Variants in ARHGAP19 observed in about 807,000 individuals in gnomAD.
ARHGAP19 encodes Rho GTPase activating protein 19, also known as rho GTPase-activating protein 19.
A neutral mutation model predicts 60.9 loss-of-function variants in ARHGAP19; 48 were observed. The ratio of observed to expected loss-of-function variants is 0.79; its 90% confidence interval spans 0.62 to 1.00. The LOEUF (loss-of-function observed/expected upper bound fraction) is 1.00, where lower values mean the gene tolerates loss of function less well. Ranked by LOEUF, ARHGAP19 falls within the 50% of genes least tolerant of loss-of-function variation. ARHGAP19 has a pLI of 0.00. For synonymous variants in ARHGAP19, 209 were observed against 215.5 expected, an observed-to-expected ratio of 0.97 and a Z score of 0.27; for missense variants, 562 against 597.2, an observed-to-expected ratio of 0.94 and a Z score of 0.61.
chr10:97,280,149 G>C (rs1376628733), intron 1 of ARHGAP19, among the ~76,000 whole-genome samples: 1 of 152,134 alleles, frequency 6.6e-6, no homozygotes, highest in East Asian at 1.9e-4. Flanking sequence ...GTTCACATCT[G>C]TAATCCCAGC....
intron 11 of ARHGAP19, among the ~76,000 whole-genome samples, chr10:97,228,698 A>G (rs1208999585): frequency 6.6e-6 from 1 of 152,206 alleles, no homozygotes; most frequent in Non-Finnish European, 1.5e-5. Context: ...AATATGCTGT[A>G]TGATATGACT....
chr10:97,249,942 G>A (rs1038225915), intron 6 of ARHGAP19, among the ~76,000 whole-genome samples: 2 of 151,740 alleles, frequency 1.3e-5, no homozygotes, highest in African/African-American at 2.4e-5. Context: ...CTGCCACCGC[G>A]CCTGGCTAAT....
At chr10:97,236,071 G>A (rs528626941) in intron 8 of ARHGAP19, among the ~76,000 whole-genome samples, 26 of 152,232 alleles carry the variant, frequency 1.7e-4, no homozygotes, top group South Asian at 1.0e-3. Context: ...CGCCTCCCAG[G>A]TTCAAGCAAT....
rs1197519960 is a variant in ARHGAP19 at position 97,259,488 on chromosome 10, G to A, written c.754C>T (p.Gln252Ter). ...TTCTTGTCTTGTTTCTTTGCTGTCT[G>A]GTATAGGAGATCAAGCAATAACTTC... The part of the protein sequence containing the change: ...LLKLLLDLLY[Q>*]TAKKQDKNKM... Residue 252 changes from glutamine to a stop codon, truncating the protein, a stop_gained, in exon 5 of 12, where the codon CAG becomes TAG. Transcript: ENST00000358531. LOFTEE classifies it high-confidence loss of function. 6.2e-7 allele frequency: 1 copy of A among 1,614,028 alleles called. No homozygotes were observed. Among genetic ancestry groups the A allele is most frequent in the African/African-American group, 1.3e-5 (1 of 74,920 alleles).
chr10:97,227,091 T>C (rs1158086088), intron 11 of ARHGAP19, among the ~76,000 whole-genome samples: 2 of 152,218 alleles, frequency 1.3e-5, no homozygotes, highest in African/African-American at 2.4e-5. Context: ...CAAAGCATTA[T>C]CTGAACCAAC....
chr10:97,264,771 C>T, intron 3 of ARHGAP19, 55 bp downstream of exon 3: 1 of 1,398,886 alleles, frequency 7.1e-7, no homozygotes, highest in Non-Finnish European at 1.0e-6. Context: ...TAGCTCTCAA[C>T]AGAAAACAGA....
At chr10:97,228,914 CAG>C (rs1315508220) in intron 11 of ARHGAP19, among the ~76,000 whole-genome samples, 4 of 152,204 alleles carry the variant, frequency 2.6e-5, no homozygotes, top group African/African-American at 9.7e-5. Flanking sequence ...TCCAAGAACA[CAG>C]GGACCATGTG....
At chr10:97,274,086 T>C (rs1842994425) in intron 1 of ARHGAP19, among the ~76,000 whole-genome samples, 1 of 152,080 alleles carries the variant, frequency 6.6e-6, no homozygotes. Context: ...TGGTAAACTG[T>C]AAAGAGAAGC....
In ARHGAP19 at chr10:97,259,657, G is replaced by A. The variant is rs551877498; in HGVS notation, c.614-29C>T. On this transcript the variant is annotated intron_variant, in intron 4 of 11. Transcript: ENST00000358531. ...GAGGACAAAAGAGAATTTGCAAAGT[G>A]GGGAGAAAATATCAGCAAGAAAAAT... is the stretch of plus-strand genomic sequence containing the variant. 9.6e-6 allele frequency: 15 copies of A among 1,564,414 alleles called. No homozygotes were observed. The Admixed American group carries it at 1.7e-4, about 17-fold the overall frequency.
rs761988354 is a variant in ARHGAP19, at chr10:97,223,447, G to C, written c.*2675C>G. 1 of 152,070 alleles carries C rather than the reference G, an allele frequency of 6.6e-6. No homozygotes were observed. Among genetic ancestry groups the C allele is most frequent in the Non-Finnish European group, 1.5e-5 (1 of 68,024 alleles). 9.4% of individuals were successfully genotyped at this position (152,070 alleles called of 1,614,324 possible). A position where few individuals can be genotyped will look rare whatever the true frequency, so the allele number is the denominator to read the frequency against. On this transcript the variant is annotated 3_prime_UTR_variant, in exon 12 of 12. Transcript: ENST00000358531. ...ATGGTTCTCACTAATTTAGTCAGTG[G>C]GGTTCACACAGTACAGTCTGGACCA... is the stretch of plus-strand genomic sequence containing the variant.
At chr10:97,236,860 C>T (rs1842388622) in intron 8 of ARHGAP19, among the ~76,000 whole-genome samples, 1 of 146,848 alleles carries the variant, frequency 6.8e-6, no homozygotes, top group Admixed American at 6.8e-5. Flanking sequence ...GCCTGAAAAA[C>T]TGAATTAGAA....
At chr10:97,268,483 C>G (rs1842925526) in intron 1 of ARHGAP19, among the ~76,000 whole-genome samples, 1 of 152,138 alleles carries the variant, frequency 6.6e-6, no homozygotes, top group Non-Finnish European at 1.5e-5. Flanking sequence ...TGTTCTCACG[C>G]TGTTAATAAA....
rs35980234 is a variant in ARHGAP19, at chr10:97,272,131, C to CTTTTTTT, written c.57-6013_57-6007dup. Reference sequence around the variant, plus strand: ...TTATACACTTAGGTGGGAAATATGTCTTTTTTTTTTTTTTTTTTTTTTCAG... The same window carrying CTTTTTTT: ...TTATACACTTAGGTGGGAAATATGTCTTTTTTTTTTTTTTTTTTTTTTTTTTTTTCAG... On this transcript the variant is annotated intron_variant, in intron 1 of 11. Coordinates refer to ENST00000358531, the MANE Select transcript of ARHGAP19 (RefSeq NM_032900.6). Among the ~76,000 whole-genome samples, 140 of 85,644 alleles carry CTTTTTTT rather than the reference C, an allele frequency of 1.6e-3. 17 individuals are homozygous for CTTTTTTT. The highest frequency in any genetic ancestry group is 3.5e-3 in the African/African-American group (71 of 20,116). The allele number at this position is 85,644 out of a possible 152,430, so 56.2% of individuals were successfully genotyped here.
At position 97,235,604 on chromosome 10, in the gene ARHGAP19, G is replaced by A. The variant is rs77686077; in HGVS notation, c.1186-289C>T. Among the ~76,000 whole-genome samples, 56 of 152,200 alleles carry A rather than the reference G, an allele frequency of 3.7e-4. No homozygotes were observed. In the East Asian group the frequency reaches 0.01, roughly 28 times the overall value. On this transcript the variant is annotated intron_variant, in intron 8 of 11. Coordinates refer to ENST00000358531, the MANE Select transcript of ARHGAP19 (RefSeq NM_032900.6). ...TGGAGAGCTTATGAAATTTATCCAC[G>A]ATCCCCAGCTGCTAACCAAGACTTT...
intron 6 of ARHGAP19, among the ~76,000 whole-genome samples, chr10:97,250,646 G>A (rs1338924824): frequency 1.3e-5 from 2 of 151,746 alleles, no homozygotes; most frequent in Non-Finnish European, 2.9e-5. Flanking sequence ...CCAAAGTGCT[G>A]GGATTACAGG....
intron 1 of ARHGAP19, chr10:97,277,873 C>CT (rs1843039463): frequency 6.6e-6 from 1 of 152,132 alleles, no homozygotes; most frequent in African/African-American, 2.4e-5. Context: ...TTCACAATGA[C>CT]TTTTTATGGA....
intron 8 of ARHGAP19, among the ~76,000 whole-genome samples, chr10:97,239,253 G>C (rs1029241510): frequency 6.6e-6 from 1 of 152,192 alleles, no homozygotes; most frequent in Non-Finnish European, 1.5e-5. Flanking sequence ...CCAACACTTT[G>C]GGAGGCCGAG....
intron 1 of ARHGAP19, among the ~76,000 whole-genome samples, chr10:97,290,173 C>T (rs184290957): frequency 1.4e-4 from 22 of 152,320 alleles, no homozygotes; most frequent in African/African-American, 5.3e-4. Flanking sequence ...TGCAACTGCA[C>T]TCTTCTGGTC....
rs1564711947 is a variant in ARHGAP19, at chr10:97,235,307, C to T, written c.1194G>A (p.Lys398=). The part of the protein sequence containing the change: ...KKKQLIRQFN[K]QSLTQTPGRE... ...GCCCTGGTGTCTGGGTCAATGATTG[C>T]TTATTAAACTAAAAGAAAACATGGA... The change falls in exon 9 of 12, where the codon AAG becomes AAA. Residue 398 remains lysine (K), a synonymous_variant. Coordinates refer to ENST00000358531, the MANE Select transcript of ARHGAP19 (RefSeq NM_032900.6). The T allele has an allele frequency of 6.2e-7, 1 of 1,609,932 alleles. No individual in the cohort carries two copies. Among genetic ancestry groups the T allele is most frequent in the Admixed American group, 1.7e-5 (1 of 59,850 alleles).
Sources: allele counts gnomAD v4.1 joint callset (sites outside exome capture counted in the v4.1 genomes callset), GRCh38; gene constraint gnomAD v4.1.1; transcripts MANE v1.5; gene names NCBI Gene and HGNC (gene_info 2026-07-23, HGNC 2026-07-21).